Variants in NIPSNAP3B observed in about 807,000 individuals in gnomAD.
NIPSNAP3B encodes the protein nipsnap homolog 3B.
A neutral mutation model predicts 31.5 loss-of-function variants in NIPSNAP3B; 30 were observed. That is an observed-to-expected ratio of 0.95 (90% confidence interval 0.71 to 1.29). The LOEUF (loss-of-function observed/expected upper bound fraction) is 1.29. Among genes scored for constraint, NIPSNAP3B ranks in the 50% most tolerant of loss-of-function variants. NIPSNAP3B has a pLI of 0.00. For missense variants in NIPSNAP3B, 269 were observed against 300.7 expected (o/e 0.89, Z 0.78); for synonymous variants, 106 against 107.9 (o/e 0.98, Z 0.11).
At chr9:104,785,324 C>G in the NIPSNAP3B span, 1 of 1,591,506 alleles carries the variant, frequency 6.3e-7, no homozygotes, top group African/African-American at 1.3e-5. Context: ...TGCTCTTGGA[C>G]CTATGGGCGG....
chr9:104,774,694 A>G lies in NIPSNAP3B; in HGVS notation c.*1621A>G, dbSNP rs1235059767. On this transcript the variant is annotated 3_prime_UTR_variant, in exon 6 of 6. Transcript: ENST00000374762. ...AAAATAGAATTATGTGGTTTAAATC[A>G]TATACCTTATTCTTCATACTTAGCT... 1.3e-5 allele frequency among the ~76,000 whole-genome samples: 2 copies of G among 152,182 alleles called. No homozygotes were observed. Among genetic ancestry groups the G allele is most frequent in the Non-Finnish European group, 2.9e-5 (2 of 68,052 alleles).
rs60974677 is a variant in NIPSNAP3B at position 104,764,414 on chromosome 9, CG to C, written c.60+115del. The C allele has an allele frequency of 6.6e-3, 5,783 of 880,510 alleles. 260 individuals carry two copies. In the African/African-American group the frequency reaches 0.094, roughly 14 times the overall value. The allele number at this position is 880,510 out of a possible 1,614,324, so 54.5% of individuals were successfully genotyped here. Reference sequence around the variant, plus strand: ...CGCTCCCAGACCTGGGGCCCCGCGCCGCCGCCGAAGTTCTAACGCGGTCTCT... The same window carrying C: ...CGCTCCCAGACCTGGGGCCCCGCGCCCCGCCGAAGTTCTAACGCGGTCTCT... On this transcript the variant is annotated intron_variant, in intron 1 of 5. Coordinates refer to ENST00000374762, the MANE Select transcript of NIPSNAP3B (RefSeq NM_018376.4).
In NIPSNAP3B at chr9:104,775,293, A is replaced by G. The variant is rs74997200; in HGVS notation, c.*2220A>G. 6.6e-6 allele frequency among the ~76,000 whole-genome samples: 1 copy of G among 151,102 alleles called. No homozygotes were observed. ...TGCCTCCATTTTCTTCCCTCACATTATCTCTTAAACATTCTCTGATCACGC... is the reference window on the plus strand; with the variant it reads ...TGCCTCCATTTTCTTCCCTCACATTGTCTCTTAAACATTCTCTGATCACGC... On this transcript the variant is annotated 3_prime_UTR_variant, in exon 6 of 6. Transcript: ENST00000374762.
At chr9:104,764,922 G>T (rs1427885989) in intron 1 of NIPSNAP3B, among the ~76,000 whole-genome samples, 1 of 152,050 alleles carries the variant, frequency 6.6e-6, no homozygotes, top group Non-Finnish European at 1.5e-5. Flanking sequence ...GTTTTTTTAG[G>T]ATAACATCTC....
At chr9:104,764,706 AT>A (rs1217988530) in intron 1 of NIPSNAP3B, among the ~76,000 whole-genome samples, 4 of 151,684 alleles carry the variant, frequency 2.6e-5, no homozygotes, top group Non-Finnish European at 5.9e-5. Flanking sequence ...CGCCCGGCTA[AT>A]TTTTTTTGTG....
At chr9:104,783,917 T>C in the NIPSNAP3B span, 18 of 190,214 alleles carry the variant, frequency 9.5e-5, no homozygotes, top group Non-Finnish European at 1.3e-4. Context: ...GCATTACCTT[T>C]TGATTTTGAT....
intron 3 of NIPSNAP3B, among the ~76,000 whole-genome samples, chr9:104,769,916 A>G (rs563187077): frequency 3.3e-5 from 5 of 152,316 alleles, no homozygotes; most frequent in South Asian, 4.1e-4. Context: ...CTTGCTCACT[A>G]AAGGAAATAA....
At chr9:104,766,685 A>G (rs1828097608) in intron 2 of NIPSNAP3B, 150 bp downstream of exon 2, 2 of 728,402 alleles carry the variant, frequency 2.7e-6, no homozygotes, top group East Asian at 5.6e-5. Flanking sequence ...AATTTAGCAG[A>G]TCTTCTTCCC....
At chr9:104,786,790 T>C in the NIPSNAP3B span, 2 of 1,274,894 alleles carry the variant, frequency 1.6e-6, no homozygotes, top group Non-Finnish European at 2.3e-6. Flanking sequence ...TTCTGTATTT[T>C]CTAATTTTTA....
At chr9:104,788,014 T>C in the NIPSNAP3B span, 1 of 1,614,228 alleles carries the variant, frequency 6.2e-7, no homozygotes, top group Non-Finnish European at 8.5e-7. Flanking sequence ...TTTTTCTCCA[T>C]ACTTCACGAG....
chr9:104,769,120 C>A (rs1168644655), intron 3 of NIPSNAP3B, 99 bp downstream of exon 3: 4 of 849,332 alleles, frequency 4.7e-6, no homozygotes, highest in South Asian at 2.8e-5. Context: ...ATATATAATT[C>A]TTTGTTTTAT....
downstream of NIPSNAP3B, chr9:104,781,610 CAGATAATGAAATACAGT>C (rs1564065905): frequency 6.6e-6 from 1 of 152,566 alleles, no homozygotes. Flanking sequence ...GCTTTCAGTA[CAGATAATGAAATACAGT>C]AGTGTGAGGT....
the NIPSNAP3B span, among the ~76,000 whole-genome samples, chr9:104,785,810 T>C: frequency 6.6e-6 from 1 of 152,232 alleles, no homozygotes; most frequent in South Asian, 2.1e-4. Flanking sequence ...TTATTTTATG[T>C]GAAGCACCAT....
intron 2 of NIPSNAP3B, among the ~76,000 whole-genome samples, chr9:104,767,447 C>G (rs1828112254): frequency 6.6e-6 from 1 of 152,050 alleles, no homozygotes; most frequent in South Asian, 2.1e-4. Flanking sequence ...TTGAGGATAC[C>G]TAAAGAACTT....
chr9:104,770,251 T>C (rs1293093602), intron 3 of NIPSNAP3B, among the ~76,000 whole-genome samples: 1 of 152,202 alleles, frequency 6.6e-6, no homozygotes, highest in African/African-American at 2.4e-5. Context: ...ATCTTATACT[T>C]CTGGCCAGAA....
At chr9:104,779,690 A>C (rs1047447301), downstream of NIPSNAP3B, among the ~76,000 whole-genome samples, 1 of 151,900 alleles carries the variant, frequency 6.6e-6, no homozygotes, top group African/African-American at 2.4e-5. Context: ...AATCTGGAAA[A>C]GTTCTTTTGG....
chr9:104,764,421 G>A, intron 1 of NIPSNAP3B, 121 bp downstream of exon 1: 1 of 816,732 alleles, frequency 1.2e-6, no homozygotes, highest in Non-Finnish European at 1.8e-6. Flanking sequence ...CGCCGCCGCC[G>A]AAGTTCTAAC....
chr9:104,789,480 T>G, the NIPSNAP3B span, among the ~76,000 whole-genome samples: 1 of 152,208 alleles, frequency 6.6e-6, no homozygotes, highest in Non-Finnish European at 1.5e-5. Flanking sequence ...ATACATTAAT[T>G]TCCTTGCTCT....
At chr9:104,784,399 T>TA in the NIPSNAP3B span, 1 of 1,614,166 alleles carries the variant, frequency 6.2e-7, no homozygotes. Flanking sequence ...TTTTGTGTAA[T>TA]GAGAGGTCTT....
Sources: allele counts gnomAD v4.1 joint callset (sites outside exome capture counted in the v4.1 genomes callset), GRCh38; gene constraint gnomAD v4.1.1; transcripts MANE v1.5; gene names NCBI Gene and HGNC (gene_info 2026-07-23, HGNC 2026-07-21).